The following RBM20 variants were observed in gnomAD, a reference collection of about 807,000 sequenced individuals.
RBM20 encodes the protein RNA binding motif protein 20, also known as RNA-binding protein 20.
Under a neutral mutation model 110.1 loss-of-function variants are expected in RBM20, and 51 were observed. The observed-to-expected ratio is 0.46, with a 90% CI of 0.37 to 0.59. The LOEUF (loss-of-function observed/expected upper bound fraction) is 0.59. RBM20 is among the 20% of genes least tolerant of loss of function. The probability of loss-of-function intolerance (pLI) is 0.00; values close to 1 mark genes in which losing one functional copy is unlikely to be tolerated. For missense variants in RBM20, 1,512 were observed against 1,574.9 expected (o/e 0.96, Z 0.68); for synonymous variants, 589 against 618.2 (o/e 0.95, Z 0.70).
At chr10:110,719,424 T>C (rs1374290662) in intron 1 of RBM20, among the ~76,000 whole-genome samples, 1 of 152,248 alleles carries the variant, frequency 6.6e-6, no homozygotes, top group African/African-American at 2.4e-5. Context: ...GTCCTTCTTA[T>C]TGACTTGACA....
chr10:110,696,197 T>A (rs1469771822), intron 1 of RBM20, among the ~76,000 whole-genome samples: 2 of 152,210 alleles, frequency 1.3e-5, no homozygotes, highest in African/African-American at 4.8e-5. Context: ...CATCCTTATT[T>A]CCTCTCCTCA....
At chr10:110,659,496 C>G (rs1469895825) in intron 1 of RBM20, among the ~76,000 whole-genome samples, 1 of 152,154 alleles carries the variant, frequency 6.6e-6, no homozygotes, top group Non-Finnish European at 1.5e-5. Flanking sequence ...TTGTCTCATG[C>G]TGTCATCTCC....
intron 5 of RBM20, among the ~76,000 whole-genome samples, chr10:110,793,931 C>T (rs564655498): frequency 2.0e-5 from 3 of 152,270 alleles, no homozygotes; most frequent in Admixed American, 1.3e-4. Context: ...GTATTATTAC[C>T]TTTGAAGACC....
At chr10:110,643,457 G>A (rs142080238), upstream of RBM20, among the ~76,000 whole-genome samples, 281 of 152,366 alleles carry the variant, frequency 1.8e-3, 2 homozygotes, top group African/African-American at 6.6e-3. Context: ...GCAGGTGGAC[G>A]GGCGCACGCG....
At chr10:110,674,349 C>A (rs1283700712) in intron 1 of RBM20, among the ~76,000 whole-genome samples, 2 of 152,194 alleles carry the variant, frequency 1.3e-5, no homozygotes, top group African/African-American at 2.4e-5. Flanking sequence ...CAACAGGGAA[C>A]TCTTAAAACC....
At chr10:110,715,202 C>A (rs141408344) in intron 1 of RBM20, among the ~76,000 whole-genome samples, 3 of 152,092 alleles carry the variant, frequency 2.0e-5, no homozygotes, top group African/African-American at 7.2e-5. Flanking sequence ...GAGTCAAGAT[C>A]GCACCACTGC....
intron 1 of RBM20, among the ~76,000 whole-genome samples, chr10:110,693,069 ATT>A (rs58858301): frequency 0.17 from 26,573 of 151,988 alleles, 2,550 homozygotes; most frequent in East Asian, 0.31. Flanking sequence ...ACATTGACTA[ATT>A]TTTTTATATT....
intron 1 of RBM20, among the ~76,000 whole-genome samples, chr10:110,670,547 AT>A (rs1862241835): frequency 6.6e-6 from 1 of 152,312 alleles, no homozygotes; most frequent in East Asian, 1.9e-4. Flanking sequence ...TCCCTGCAGC[AT>A]TCATCTCTGC....
At position 110,799,788 on chromosome 10, in the gene RBM20, C is replaced by A. The variant is rs1554901109; in HGVS notation, c.1670C>A (p.Ala557Asp). 1 of 1,550,564 alleles carries A rather than the reference C, an allele frequency of 6.4e-7. No homozygotes were observed. Among genetic ancestry groups the A allele is most frequent in the Non-Finnish European group, 8.7e-7 (1 of 1,146,496 alleles). ...GAGTGTCCTTCCTTTCTTTCTTAGG[C>A]CTTTTTAGAGATGGCTTACACAGAA... ...NYILMKSTNQ[A>D]FLEMAYTEAA... Residue 557 changes from alanine to aspartate, a missense_variant and splice_region_variant, in exon 7 of 14, where the codon GCC becomes GAC. By Grantham distance (126) the Ala-to-Asp change is moderately radical (BLOSUM62 -2). Around this residue, in one of 3 missense-constraint regions of RBM20, gnomAD observed 1,149 missense variants for 1,169.4 expected, o/e 0.98. Transcript: ENST00000369519.
rs200035751 is a variant in RBM20, at chr10:110,784,919, TAATGAA to T, written c.1527+36_1527+41del. Reference sequence around the variant, plus strand: ...GTACGGAAACATTTTCTCTAGAAATTAATGAAAATGATTATTAGTTTATTTATTTGT... The same window carrying T: ...GTACGGAAACATTTTCTCTAGAAATTAATGATTATTAGTTTATTTATTTGT... On this transcript the variant is annotated intron_variant, in intron 5 of 13. Transcript: ENST00000369519. The T allele has an allele frequency of 5.0e-3, 6,435 of 1,290,608 alleles. 260 individuals carry two copies. In the African/African-American group the frequency reaches 0.082, roughly 16 times the overall value. 79.9% of individuals were successfully genotyped at this position (1,290,608 alleles called of 1,614,324 possible). A position where few individuals can be genotyped will look rare whatever the true frequency, so the allele number is the denominator to read the frequency against.
intron 1 of RBM20, among the ~76,000 whole-genome samples, chr10:110,775,329 A>G (rs1030273728): frequency 6.6e-6 from 1 of 152,240 alleles, no homozygotes; most frequent in African/African-American, 2.4e-5. Context: ...TGAACTGGTT[A>G]TCTTGGAAGA....
chr10:110,649,159 C>T (rs1861911410), intron 1 of RBM20, among the ~76,000 whole-genome samples: 1 of 151,966 alleles, frequency 6.6e-6, no homozygotes, highest in African/African-American at 2.4e-5. Context: ...CACCAGGGGG[C>T]AGAAAAAAAC....
intron 1 of RBM20, among the ~76,000 whole-genome samples, chr10:110,713,492 A>G (rs1262277104): frequency 6.6e-6 from 1 of 152,146 alleles, no homozygotes; most frequent in African/African-American, 2.4e-5. Flanking sequence ...GAGGCCCTAA[A>G]TCTCCTGTGT....
intron 1 of RBM20, among the ~76,000 whole-genome samples, chr10:110,747,472 C>G (rs141317849): frequency 2.0e-5 from 3 of 152,268 alleles, no homozygotes; most frequent in African/African-American, 7.2e-5. Context: ...CCTTTCTTCC[C>G]TTTCTGGACT....
At chr10:110,723,123 A>C (rs1413859525) in intron 1 of RBM20, among the ~76,000 whole-genome samples, 2 of 152,062 alleles carry the variant, frequency 1.3e-5, no homozygotes, top group Non-Finnish European at 2.9e-5. Flanking sequence ...AAAAAAAAAA[A>C]AAAAAATCAT....
intron 12 of RBM20, among the ~76,000 whole-genome samples, chr10:110,826,589 T>C (rs1397623910): frequency 2.0e-5 from 3 of 151,944 alleles, no homozygotes; most frequent in Non-Finnish European, 2.9e-5. Flanking sequence ...TCTTCTTTTT[T>C]TTTTTTTTTT....
At chr10:110,652,583 G>A (rs1462059190) in intron 1 of RBM20, among the ~76,000 whole-genome samples, 1 of 152,152 alleles carries the variant, frequency 6.6e-6, no homozygotes, top group East Asian at 1.9e-4. Flanking sequence ...CTGCCCTTTA[G>A]CATCTTACAT....
intron 1 of RBM20, among the ~76,000 whole-genome samples, chr10:110,684,982 G>T (rs959841942): frequency 4.6e-5 from 7 of 152,226 alleles, no homozygotes; most frequent in Non-Finnish European, 8.8e-5. Context: ...AACATCTTGA[G>T]AAGTGAATCT....
chr10:110,705,939 G>A (rs184290146), intron 1 of RBM20, among the ~76,000 whole-genome samples: 4 of 152,104 alleles, frequency 2.6e-5, no homozygotes, highest in Admixed American at 6.6e-5. Flanking sequence ...AAAATTGGCC[G>A]GGTGTGATGG....
Sources: gnomAD v4.1 joint callset for allele counts (sites outside exome capture counted in the v4.1 genomes callset) on GRCh38, gnomAD v4.1.1 for gene constraint, gnomAD v4.1.1 regional missense constraint, MANE v1.5 for transcripts, NCBI Gene and HGNC (gene_info 2026-07-23, HGNC 2026-07-21) for gene names.